The following CDH13 variants were observed in gnomAD, a reference collection of about 807,000 sequenced individuals.
CDH13 encodes the protein cadherin-13.
A neutral mutation model predicts 63.8 loss-of-function variants in CDH13; 24 were observed. That is an observed-to-expected ratio of 0.38 (90% CI 0.27 to 0.53). The LOEUF (loss-of-function observed/expected upper bound fraction) is 0.53, where lower values mean the gene tolerates loss of function less well. CDH13 is among the 20% of genes least tolerant of loss of function. The pLI, the probability that CDH13 is intolerant of heterozygous loss-of-function variation, is 0.85. For synonymous variants in CDH13, 503 were observed against 355.3 expected (o/e 1.42, Z -4.67); for missense variants, 1,049 against 903.1 (o/e 1.16, Z -2.07).
chr16:83,071,309 T>G (rs1348571731), intron 3 of CDH13, among the ~76,000 whole-genome samples: 2 of 151,982 alleles, frequency 1.3e-5, no homozygotes, highest in Non-Finnish European at 2.9e-5. Flanking sequence ...CCCTGCAAGG[T>G]GTGGGCTTTC....
intron 1 of CDH13, among the ~76,000 whole-genome samples, 182 bp downstream of exon 1, chr16:82,627,319 G>A (rs903893122): frequency 4.9e-5 from 7 of 144,158 alleles, no homozygotes; most frequent in African/African-American, 1.5e-4. Flanking sequence ...CCCACACACA[G>A]GCTCCCACTC....
At chr16:82,821,963 A>C (rs77862821) in intron 1 of CDH13, among the ~76,000 whole-genome samples, 3,533 of 152,266 alleles carry the variant, frequency 0.023, 136 homozygotes, top group African/African-American at 0.08. Context: ...CAGGTTCCTC[A>C]CTGACTTTGT....
intron 5 of CDH13, among the ~76,000 whole-genome samples, chr16:83,318,438 G>A (rs143456550): frequency 6.6e-5 from 10 of 152,268 alleles, no homozygotes; most frequent in Non-Finnish European, 1.5e-4. Flanking sequence ...TAAAAGCAAT[G>A]AACCAGGGAT....
intron 3 of CDH13, among the ~76,000 whole-genome samples, chr16:83,056,200 A>T (rs989823250): frequency 6.6e-6 from 1 of 152,218 alleles, no homozygotes; most frequent in African/African-American, 2.4e-5. Context: ...ATTAGAATTT[A>T]AAAAGTAAGT....
At chr16:83,508,874 G>T (rs1002823822) in intron 7 of CDH13, among the ~76,000 whole-genome samples, 15 of 152,172 alleles carry the variant, frequency 9.9e-5, no homozygotes, top group Admixed American at 9.8e-4. Flanking sequence ...ACAAGGTACC[G>T]TGTAGAGCTG....
intron 2 of CDH13, among the ~76,000 whole-genome samples, chr16:82,898,533 G>A (rs1436596722): frequency 1.3e-5 from 2 of 152,178 alleles, no homozygotes; most frequent in South Asian, 4.1e-4. Context: ...TCAAAAAAAT[G>A]AACATATGGT....
At chr16:83,713,395 T>A (rs1233503409) in intron 10 of CDH13, among the ~76,000 whole-genome samples, 1 of 152,106 alleles carries the variant, frequency 6.6e-6, no homozygotes, top group Non-Finnish European at 1.5e-5. Context: ...GCCACACTGG[T>A]TTGTAATGAG....
chr16:82,726,593 G>A (rs1419501793), intron 1 of CDH13, among the ~76,000 whole-genome samples: 2 of 152,106 alleles, frequency 1.3e-5, no homozygotes, highest in Non-Finnish European at 1.5e-5. Flanking sequence ...TTCAAGCACC[G>A]CTTGTTTCAT....
chr16:83,648,629 G>A (rs930103015), intron 8 of CDH13, among the ~76,000 whole-genome samples: 2 of 152,184 alleles, frequency 1.3e-5, no homozygotes, highest in African/African-American at 2.4e-5. Context: ...TACTGACACC[G>A]ACCCCCTGGG....
chr16:83,743,172 C>T (rs1912221113), intron 10 of CDH13, among the ~76,000 whole-genome samples: 1 of 152,180 alleles, frequency 6.6e-6, no homozygotes, highest in Non-Finnish European at 1.5e-5. Flanking sequence ...GCTGCCACTG[C>T]ACTCCAGCCT....
At chr16:83,550,882 C>T (rs2075477953) in intron 7 of CDH13, among the ~76,000 whole-genome samples, 1 of 152,048 alleles carries the variant, frequency 6.6e-6, no homozygotes, top group Admixed American at 6.6e-5. Context: ...ATCTAAGTTG[C>T]CTTGCATTCC....
chr16:83,056,033 AATGGAGGAAAT>A (rs1424241698), intron 3 of CDH13, among the ~76,000 whole-genome samples: 1 of 152,196 alleles, frequency 6.6e-6, no homozygotes, highest in Admixed American at 6.5e-5. Context: ...CCCAACTAAC[AATGGAGGAAAT>A]ATTTAACAGG....
At chr16:83,597,254 A>G (rs737374) in intron 7 of CDH13, among the ~76,000 whole-genome samples, 20,356 of 152,130 alleles carry the variant, frequency 0.13, 2,220 homozygotes, top group African/African-American at 0.29. Flanking sequence ...GTAGAAACTT[A>G]GAAGCAACCC....
intron 3 of CDH13, among the ~76,000 whole-genome samples, chr16:83,056,255 A>G (rs1003013503): frequency 1.3e-5 from 2 of 152,194 alleles, no homozygotes; most frequent in African/African-American, 4.8e-5. Flanking sequence ...ATTCTCACAC[A>G]CTGTAAAGCT....
At chr16:83,695,074 G>A (rs941382779) in intron 10 of CDH13, among the ~76,000 whole-genome samples, 6 of 152,054 alleles carry the variant, frequency 3.9e-5, no homozygotes, top group Admixed American at 2.0e-4. Context: ...AGGTGTGGTG[G>A]CGCGTGCCCA....
At chr16:82,964,519 C>G (rs1426312756) in intron 2 of CDH13, among the ~76,000 whole-genome samples, 1 of 152,182 alleles carries the variant, frequency 6.6e-6, no homozygotes, top group Non-Finnish European at 1.5e-5. Context: ...CACAGGTTTT[C>G]TTTATTAATA....
intron 5 of CDH13, among the ~76,000 whole-genome samples, chr16:83,338,454 G>A (rs2090649166): frequency 6.6e-6 from 1 of 152,208 alleles, no homozygotes; most frequent in Non-Finnish European, 1.5e-5. Context: ...TACCTGTTTG[G>A]CACCAGGCAT....
At chr16:83,045,726 G>C (rs1917721698) in intron 3 of CDH13, among the ~76,000 whole-genome samples, 1 of 147,904 alleles carries the variant, frequency 6.8e-6, no homozygotes, top group Admixed American at 6.8e-5. Context: ...GTTTGATAAA[G>C]ACCATGGATT....
At chr16:83,355,596 A>G (rs967090353) in intron 6 of CDH13, among the ~76,000 whole-genome samples, 1 of 152,208 alleles carries the variant, frequency 6.6e-6, no homozygotes, top group Admixed American at 6.5e-5. Context: ...GGTTGTATTT[A>G]TTGAAAATGT....
Sources: gnomAD v4.1 joint callset for allele counts (sites outside exome capture counted in the v4.1 genomes callset) on GRCh38, gnomAD v4.1.1 for gene constraint, MANE v1.5 for transcripts, NCBI Gene and HGNC (gene_info 2026-07-23, HGNC 2026-07-21) for gene names.